Variants in CD59 observed in about 807,000 individuals in gnomAD.
The protein encoded by CD59 is CD59 molecule (CD59 blood group), also known as CD59 glycoprotein.
In CD59, 3 loss-of-function variants were observed where a neutral mutation model predicts 7.0. The ratio of observed to expected loss-of-function variants is 0.43; its 90% CI spans 0.19 to 1.10. The LOEUF (loss-of-function observed/expected upper bound fraction) is 1.10, where lower values mean the gene tolerates loss of function less well. CD59 is among the 50% of genes least tolerant of loss of function. The pLI is 0.29. For missense variants in CD59, 143 were observed against 151.0 expected, an observed-to-expected ratio of 0.95 and a Z score of 0.28; for synonymous variants, 60 against 62.0, an observed-to-expected ratio of 0.97 and a Z score of 0.15.
At position 33,733,257 on chromosome 11, in the gene CD59, T is replaced by C. The variant is rs1201614924; in HGVS notation, c.-19+3125A>G. On this transcript the variant is annotated intron_variant, in intron 1 of 3. Coordinates refer to ENST00000642928, the MANE Select transcript of CD59 (RefSeq NM_000611.6). ...TGTGTCAGACTTCTGATTTACAGAA[T>C]GGAAAGATTAATAAACTTGTGGCAT... Among the ~76,000 whole-genome samples, 4 of 152,310 alleles carry C rather than the reference T, an allele frequency of 2.6e-5. No homozygotes were observed. The South Asian group carries it at 8.3e-4, about 32-fold the overall frequency.
At chr11:33,722,534 C>T (rs1854118185) in intron 1 of CD59, 71 bp from the exon 2 acceptor site, 5 of 1,590,210 alleles carry the variant, frequency 3.1e-6, no homozygotes, top group Non-Finnish European at 4.3e-6. Flanking sequence ...AAACCAAGGG[C>T]TGGAAGGCCA....
At chr11:33,714,184 C>T (rs554903549) in intron 3 of CD59, among the ~76,000 whole-genome samples, 14 of 152,198 alleles carry the variant, frequency 9.2e-5, no homozygotes, top group South Asian at 6.2e-4. Flanking sequence ...TCTGTGCAAA[C>T]GTCATAGCGT....
At chr11:33,724,385 C>T (rs866236843) in intron 1 of CD59, among the ~76,000 whole-genome samples, 1 of 152,238 alleles carries the variant, frequency 6.6e-6, no homozygotes, top group South Asian at 2.1e-4. Flanking sequence ...AGAGCACAGG[C>T]ATTCCAGTCC....
At chr11:33,710,715 T>TTAC (rs1853507565) in intron 3 of CD59, among the ~76,000 whole-genome samples, 1 of 148,314 alleles carries the variant, frequency 6.7e-6, no homozygotes, top group Admixed American at 6.6e-5. Flanking sequence ...ATTTTTTCCT[T>TTAC]TTCTTTTCTT....
intron 3 of CD59, among the ~76,000 whole-genome samples, chr11:33,711,856 T>A (rs117898548): frequency 0.017 from 2,581 of 152,256 alleles, 40 homozygotes; most frequent in Non-Finnish European, 0.029. Context: ...AAATGGTAAA[T>A]AGCAAATGTT....
chr11:33,720,139 A>G (rs1280954034), intron 2 of CD59, among the ~76,000 whole-genome samples: 3 of 152,230 alleles, frequency 2.0e-5, no homozygotes, highest in Non-Finnish European at 2.9e-5. Context: ...TCAGTGTTCA[A>G]ATATATGTGC....
chr11:33,733,692 C>A (rs1854482262), intron 1 of CD59: 1 of 152,116 alleles, frequency 6.6e-6, no homozygotes, highest in African/African-American at 2.4e-5. Flanking sequence ...GCATTTAAAC[C>A]CAGGTCTAAG....
intron 1 of CD59, among the ~76,000 whole-genome samples, chr11:33,730,679 T>C (rs1035516883): frequency 6.6e-6 from 1 of 152,218 alleles, no homozygotes; most frequent in Non-Finnish European, 1.5e-5. Context: ...TTTAAGAAAT[T>C]GCACATCACA....
At chr11:33,722,964 C>T (rs1854138387) in intron 1 of CD59, 3 of 1,047,940 alleles carry the variant, frequency 2.9e-6, no homozygotes, top group Admixed American at 9.8e-5. Context: ...GGGACACTTG[C>T]TTGCTCTCTT....
At chr11:33,712,076 T>C (rs556427666) in intron 3 of CD59, among the ~76,000 whole-genome samples, 3 of 152,374 alleles carry the variant, frequency 2.0e-5, no homozygotes, top group Admixed American at 6.5e-5. Flanking sequence ...CATGGAAGAA[T>C]ACACTTCGTT....
chr11:33,720,044 C>T (rs1043378746), intron 2 of CD59, among the ~76,000 whole-genome samples: 6 of 152,168 alleles, frequency 3.9e-5, no homozygotes, highest in Non-Finnish European at 7.3e-5. Context: ...GCTCATTTGG[C>T]CTCTTAAGAA....
intron 1 of CD59, chr11:33,722,995 T>C (rs946015519): frequency 4.9e-6 from 5 of 1,019,430 alleles, no homozygotes; most frequent in African/African-American, 1.7e-5. Context: ...AAGAGAGGTA[T>C]TGAGCAACTT....
intron 3 of CD59, among the ~76,000 whole-genome samples, chr11:33,712,288 G>A (rs1214737947): frequency 3.9e-5 from 6 of 152,114 alleles, no homozygotes; most frequent in African/African-American, 1.2e-4. Flanking sequence ...GTATCTTATC[G>A]TAGTTTGAAT....
At chr11:33,731,621 G>A (rs1413525967) in intron 1 of CD59, among the ~76,000 whole-genome samples, 1 of 152,184 alleles carries the variant, frequency 6.6e-6, no homozygotes, top group Non-Finnish European at 1.5e-5. Context: ...TGTGCATTTT[G>A]AGCCAGCACT....
rs192852824 is a variant in CD59, at chr11:33,720,589, C to A, written c.67+1790G>T. On this transcript the variant is annotated intron_variant, in intron 2 of 3. Transcript: ENST00000642928. ...AAAAAAAATACAAAAATTAGCCAGG[C>A]ATAGTGGCATGCTCCTGTAATCCCA... Among the ~76,000 whole-genome samples, 25 of 152,230 alleles carry A rather than the reference C, an allele frequency of 1.6e-4. 2 individuals carry two copies. In the East Asian group the frequency reaches 4.6e-3, roughly 28 times the overall value.
rs528159567 is a variant in CD59, at chr11:33,729,688, C to T, written c.-19+6694G>A. On this transcript the variant is annotated intron_variant, in intron 1 of 3. Coordinates refer to ENST00000642928, the MANE Select transcript of CD59 (RefSeq NM_000611.6). ...AATTTTTAAAAAAGAACTTAAACCC[C>T]GTATCTCCGAGAAAAAAAAAAAATA... is the stretch of plus-strand genomic sequence containing the variant. Among the ~76,000 whole-genome samples, 32 of 149,368 alleles carry T rather than the reference C, an allele frequency of 2.1e-4. No homozygotes were observed. The South Asian group carries it at 3.2e-3, about 15-fold the overall frequency.
rs548585833 is a variant in CD59 at position 33,718,881 on chromosome 11, A to C, written c.68-1410T>G. 5.8e-4 allele frequency: 88 copies of C among 152,358 alleles called. 1 individual carries two copies. Among genetic ancestry groups the C allele is most frequent in the African/African-American group, 2.0e-3 (85 of 41,586 alleles). The allele number at this position is 152,358 out of a possible 1,614,324, so 9.4% of individuals were successfully genotyped here. ...GTGATGGGGAGAGACTGAGGAAGCA[A>C]GAGTTGGAAGGAAATCTTCCTGGTT... On this transcript the variant is annotated intron_variant, in intron 2 of 3. Coordinates refer to ENST00000642928, the MANE Select transcript of CD59 (RefSeq NM_000611.6).
At chr11:33,724,389 C>G (rs1590538384) in intron 1 of CD59, among the ~76,000 whole-genome samples, 1 of 152,352 alleles carries the variant, frequency 6.6e-6, no homozygotes, top group South Asian at 2.1e-4. Context: ...CACAGGCATT[C>G]CAGTCCAATC....
intron 2 of CD59, among the ~76,000 whole-genome samples, chr11:33,721,082 A>G (rs1854038454): frequency 6.6e-6 from 1 of 152,192 alleles, no homozygotes; most frequent in Admixed American, 6.5e-5. Flanking sequence ...CTTAAGCAGC[A>G]GAGACAGAAA....
Sources: allele counts gnomAD v4.1 joint callset (sites outside exome capture counted in the v4.1 genomes callset), GRCh38; gene constraint gnomAD v4.1.1; transcripts MANE v1.5; gene names NCBI Gene and HGNC (gene_info 2026-07-23, HGNC 2026-07-21).